The following CDK17 variants were observed in gnomAD, a reference collection of about 807,000 sequenced individuals.
The protein encoded by CDK17 is cyclin dependent kinase 17, also known as cyclin-dependent kinase 17.
A neutral mutation model predicts 77.6 loss-of-function variants in CDK17; 24 were observed. That is an observed-to-expected ratio of 0.31 (90% CI 0.22 to 0.44). The LOEUF is 0.44. Among genes scored for constraint, CDK17 ranks in the 20% least tolerant of loss-of-function variants. The pLI is 1.00. For missense variants in CDK17, 429 were observed against 622.5 expected, an observed-to-expected ratio of 0.69 and a Z score of 3.31; for synonymous variants, 203 against 210.4, an observed-to-expected ratio of 0.96 and a Z score of 0.30.
At chr12:96,348,523 C>CAAAAAAAAA (rs35363324) in intron 1 of CDK17, among the ~76,000 whole-genome samples, 7 of 66,368 alleles carry the variant, frequency 1.1e-4, no homozygotes, top group Non-Finnish European at 1.6e-4. Flanking sequence ...GACTCTGTCT[C>CAAAAAAAAA]AAAAAAAAAA....
intron 1 of CDK17, among the ~76,000 whole-genome samples, chr12:96,339,737 C>G (rs1369423851): frequency 1.3e-5 from 2 of 151,968 alleles, no homozygotes; most frequent in Non-Finnish European, 2.9e-5. Context: ...CAAGATCAGC[C>G]TGGTCAACAT....
chr12:96,349,318 T>A (rs1008807160), intron 1 of CDK17, among the ~76,000 whole-genome samples: 1 of 151,986 alleles, frequency 6.6e-6, no homozygotes, highest in African/African-American at 2.4e-5. Context: ...CCGGGCATGG[T>A]GGCGCATGCC....
chr12:96,341,343 A>ACG (rs1555203752), intron 1 of CDK17, among the ~76,000 whole-genome samples: 220 of 121,942 alleles, frequency 1.8e-3, no homozygotes, highest in African/African-American at 5.6e-3. Context: ...ACACACACAC[A>ACG]CGTCTCATAT....
intron 1 of CDK17, among the ~76,000 whole-genome samples, chr12:96,389,513 A>C (rs4762298): frequency 5.3e-5 from 8 of 152,162 alleles, no homozygotes; most frequent in African/African-American, 1.7e-4. Flanking sequence ...TGGAGAAGGG[A>C]GGGATCAACA....
chr12:96,313,803 A>G (rs1249448511), intron 3 of CDK17, among the ~76,000 whole-genome samples: 5 of 152,204 alleles, frequency 3.3e-5, no homozygotes, highest in African/African-American at 9.6e-5. Flanking sequence ...ATGACTTTCA[A>G]AAGTTCACAA....
At chr12:96,385,859 C>T (rs200393977) in intron 1 of CDK17, among the ~76,000 whole-genome samples, 1 of 151,482 alleles carries the variant, frequency 6.6e-6, no homozygotes, top group African/African-American at 2.4e-5. Context: ...AAGAGTCAGA[C>T]AAAAACATCC....
chr12:96,334,745 AT>A lies in CDK17; in HGVS notation c.91del (p.Ile31LeufsTer13). ...ATTATCCTTGCTGCTGTTTTCTTCA[AT>A]AGTCATTTGTTCAGCCAATTCAGAC... is the stretch of plus-strand genomic sequence containing the variant. ...SLSELAEQMT[I>X]EENSSKDNEP... is the part of the protein sequence containing the mutation. On this transcript the variant is annotated frameshift_variant, in exon 2 of 17. Transcript: ENST00000261211. LOFTEE classifies it high-confidence loss of function. 2 of 1,605,378 alleles carry A rather than the reference AT, an allele frequency of 1.2e-6. No homozygotes were observed. Among genetic ancestry groups the A allele is most frequent in the Non-Finnish European group, 1.7e-6 (2 of 1,172,314 alleles).
chr12:96,326,820 G>A (rs1392236864), intron 2 of CDK17, among the ~76,000 whole-genome samples: 1 of 152,168 alleles, frequency 6.6e-6, no homozygotes, highest in Non-Finnish European at 1.5e-5. Context: ...GGGCAACAGT[G>A]GTACCAGGTG....
At chr12:96,347,879 A>G (rs1592744968) in intron 1 of CDK17, among the ~76,000 whole-genome samples, 1 of 152,326 alleles carries the variant, frequency 6.6e-6, no homozygotes, top group East Asian at 1.9e-4. Context: ...TGAAACTAAA[A>G]ATCAGAAACA....
chr12:96,306,546 G>T (rs1459081224), intron 5 of CDK17, among the ~76,000 whole-genome samples: 1 of 151,834 alleles, frequency 6.6e-6, no homozygotes, highest in African/African-American at 2.4e-5. Flanking sequence ...TATTATCCAT[G>T]GAAAAATGAA....
chr12:96,350,524 A>T (rs1203183101), intron 1 of CDK17, among the ~76,000 whole-genome samples: 1 of 152,176 alleles, frequency 6.6e-6, no homozygotes, highest in Non-Finnish European at 1.5e-5. Context: ...TTGACATAAG[A>T]ATAGATATAT....
At chr12:96,360,005 A>G (rs1953467976) in intron 1 of CDK17, among the ~76,000 whole-genome samples, 1 of 152,230 alleles carries the variant, frequency 6.6e-6, no homozygotes, top group South Asian at 2.1e-4. Flanking sequence ...AATTATACTT[A>G]GGGGAAGGTA....
intron 10 of CDK17, among the ~76,000 whole-genome samples, chr12:96,290,815 G>C (rs960564888): frequency 3.3e-5 from 5 of 152,266 alleles, no homozygotes; most frequent in Admixed American, 3.3e-4. Context: ...CCACTCCTGA[G>C]AGGATTCCGA....
At chr12:96,322,606 T>C (rs1952836859) in intron 3 of CDK17, among the ~76,000 whole-genome samples, 1 of 151,916 alleles carries the variant, frequency 6.6e-6, no homozygotes, top group Non-Finnish European at 1.5e-5. Flanking sequence ...GCTACCAACA[T>C]GACAACACTG....
At chr12:96,349,662 C>T (rs1021312362) in intron 1 of CDK17, among the ~76,000 whole-genome samples, 4 of 151,896 alleles carry the variant, frequency 2.6e-5, no homozygotes, top group African/African-American at 4.8e-5. Flanking sequence ...CAGCTAATAT[C>T]GTATTCAATG....
At chr12:96,334,916 GAA>G in intron 1 of CDK17, 51 bp from the exon 2 acceptor site, 1 of 768,776 alleles carries the variant, frequency 1.3e-6, no homozygotes, top group Non-Finnish European at 2.3e-6. Flanking sequence ...TTTTACCACT[GAA>G]GAAAAATACC....
intron 1 of CDK17, among the ~76,000 whole-genome samples, chr12:96,337,340 T>C (rs1592736970): frequency 6.6e-6 from 1 of 152,180 alleles, no homozygotes; most frequent in Non-Finnish European, 1.5e-5. Flanking sequence ...AGCTGGAAAA[T>C]GGATCAAGAG....
intron 1 of CDK17, among the ~76,000 whole-genome samples, chr12:96,393,945 T>C (rs1477859014): frequency 1.3e-5 from 2 of 152,070 alleles, no homozygotes; most frequent in Non-Finnish European, 2.9e-5. Flanking sequence ...TGCTGTTACT[T>C]GATAGTTTCT....
chr12:96,333,839 T>C (rs986625995), intron 2 of CDK17, among the ~76,000 whole-genome samples: 13 of 151,912 alleles, frequency 8.6e-5, no homozygotes, highest in Non-Finnish European at 1.8e-4. Flanking sequence ...CCCTTCTGAG[T>C]AAAGGAAATA....
Sources: gnomAD v4.1 joint callset for allele counts (sites outside exome capture counted in the v4.1 genomes callset) on GRCh38, gnomAD v4.1.1 for gene constraint, MANE v1.5 for transcripts, NCBI Gene and HGNC (gene_info 2026-07-23, HGNC 2026-07-21) for gene names.